Variants in EPHA3 observed in about 807,000 individuals in gnomAD.
The protein encoded by EPHA3 is EPH receptor A3, also known as ephrin type-A receptor 3.
A neutral mutation model predicts 107.1 loss-of-function variants in EPHA3; 42 were observed. That is an observed-to-expected ratio of 0.39 (90% confidence interval 0.31 to 0.51). The LOEUF is 0.51. Among genes scored for constraint, EPHA3 ranks in the 20% least tolerant of loss-of-function variants. The pLI, the probability that EPHA3 is intolerant of heterozygous loss-of-function variation, is 0.78. For synonymous variants in EPHA3, 461 were observed against 424.8 expected (o/e 1.09, Z -1.05); for missense variants, 1,183 against 1,211.2 (o/e 0.98, Z 0.35).
intron 3 of EPHA3, among the ~76,000 whole-genome samples, chr3:89,277,680 T>C (rs1285454118): frequency 2.0e-5 from 3 of 152,184 alleles, no homozygotes; most frequent in Non-Finnish European, 4.4e-5. Flanking sequence ...GATCCCAGTA[T>C]ATTATATTTT....
rs190656233 is a variant in EPHA3 at position 89,471,244 on chromosome 3, C to T, written c.2691-1220C>T. ...TCTTTTGCCTCTTCAGGGAGGCAAA[C>T]ATTGTCTCATTCATTTCCTTTATGC... On this transcript the variant is annotated intron_variant, in intron 15 of 16. Coordinates refer to ENST00000336596, the MANE Select transcript of EPHA3 (RefSeq NM_005233.6). 5.0e-3 allele frequency among the ~76,000 whole-genome samples: 766 copies of T among 151,708 alleles called. 8 individuals carry two copies. Among genetic ancestry groups the T allele is most frequent in the Non-Finnish European group, 4.9e-3 (331 of 67,964 alleles).
intron 2 of EPHA3, among the ~76,000 whole-genome samples, chr3:89,208,454 G>T (rs1357335088): frequency 8.7e-6 from 1 of 114,612 alleles, no homozygotes; most frequent in Non-Finnish European, 1.7e-5. Flanking sequence ...AAGAAAGAAA[G>T]AAAGAAAGAA....
chr3:89,264,755 A>C (rs1487665263), intron 3 of EPHA3, among the ~76,000 whole-genome samples: 1 of 152,140 alleles, frequency 6.6e-6, no homozygotes, highest in Non-Finnish European at 1.5e-5. Context: ...TTATTGAATC[A>C]ATAAATAAGA....
chr3:89,382,849 T>A (rs1371925554), intron 5 of EPHA3, among the ~76,000 whole-genome samples: 1 of 152,176 alleles, frequency 6.6e-6, no homozygotes, highest in East Asian at 1.9e-4. Context: ...GGCATGTTCC[T>A]GGACTAACAT....
At chr3:89,126,889 G>A (rs1382997592) in intron 1 of EPHA3, among the ~76,000 whole-genome samples, 1 of 151,704 alleles carries the variant, frequency 6.6e-6, no homozygotes, top group Non-Finnish European at 1.5e-5. Flanking sequence ...TAGCATTAAT[G>A]TTGTTTTCTA....
intron 2 of EPHA3, among the ~76,000 whole-genome samples, chr3:89,160,297 G>C (rs1704901825): frequency 1.3e-5 from 2 of 151,936 alleles, no homozygotes; most frequent in African/African-American, 4.8e-5. Flanking sequence ...GTTTGAAAAG[G>C]GATATGAAAA....
intron 3 of EPHA3, among the ~76,000 whole-genome samples, chr3:89,277,660 T>C (rs1705841515): frequency 6.6e-6 from 1 of 152,158 alleles, no homozygotes. Flanking sequence ...CCCAGTTTAA[T>C]CAGAAAAATG....
At chr3:89,439,723 GCACACACA>G (rs59868005) in intron 13 of EPHA3, among the ~76,000 whole-genome samples, 46 of 133,310 alleles carry the variant, frequency 3.5e-4, no homozygotes, top group African/African-American at 1.1e-3. Flanking sequence ...TCATATTAAG[GCACACACA>G]CACACACACA....
At chr3:89,324,643 C>A (rs1302973588) in intron 3 of EPHA3, among the ~76,000 whole-genome samples, 1 of 151,960 alleles carries the variant, frequency 6.6e-6, no homozygotes, top group East Asian at 1.9e-4. Context: ...GAAATGATTA[C>A]AAAAACATAT....
intron 3 of EPHA3, among the ~76,000 whole-genome samples, chr3:89,336,169 A>G: frequency 6.6e-6 from 1 of 152,186 alleles, no homozygotes; most frequent in East Asian, 1.9e-4. Context: ...TTTATTTCCT[A>G]CTTTTATTCT....
rs879486714 is a variant in EPHA3 at position 89,482,032 on chromosome 3, G to A, written c.*2530G>A. On this transcript the variant is annotated 3_prime_UTR_variant, in exon 17 of 17. Coordinates refer to ENST00000336596, the MANE Select transcript of EPHA3 (RefSeq NM_005233.6). ...CTTTTCAAAATATTACTCAGTTTAT[G>A]TTGTACAATGTAGATGGCCTCTTAC... is the stretch of plus-strand genomic sequence containing the variant. 2.3e-5 allele frequency: 5 copies of A among 221,402 alleles called. No homozygotes were observed. Among genetic ancestry groups the A allele is most frequent in the Admixed American group, 1.2e-4 (2 of 17,354 alleles). The allele number at this position is 221,402 out of a possible 1,614,324, so 13.7% of individuals were successfully genotyped here.
In EPHA3 at chr3:89,210,027, T is replaced by C. The variant is rs952973795; in HGVS notation, c.321T>C (p.Asn107=). Residue 107 remains asparagine, a synonymous_variant, in exon 3 of 17, where the codon AAT becomes AAC. Transcript: ENST00000336596. ...VELKFTLRDC[N]SIPLVLGTCK... is the part of the protein sequence containing the mutation. ...TCAAGTTCACTCTACGAGACTGCAA[T>C]AGCATTCCATTGGTTTTAGGAACTT... The C allele has an allele frequency of 6.2e-7, 1 of 1,614,002 alleles. No homozygotes were observed.
At chr3:89,473,467 T>G in intron 16 of EPHA3, among the ~76,000 whole-genome samples, 1 of 152,164 alleles carries the variant, frequency 6.6e-6, no homozygotes, top group East Asian at 1.9e-4. Flanking sequence ...AATTGATAAA[T>G]TAAGAGTTGG....
intron 15 of EPHA3, among the ~76,000 whole-genome samples, chr3:89,452,935 G>C (rs1403863456): frequency 6.6e-6 from 1 of 151,880 alleles, no homozygotes; most frequent in East Asian, 1.9e-4. Context: ...CTTAATATCA[G>C]TATATAAGAA....
At chr3:89,322,371 A>G (rs1309982976) in intron 3 of EPHA3, among the ~76,000 whole-genome samples, 1 of 152,122 alleles carries the variant, frequency 6.6e-6, no homozygotes, top group Non-Finnish European at 1.5e-5. Flanking sequence ...TAGAAAAACT[A>G]TGAGACAGAG....
rs771697982 is a variant in EPHA3, at chr3:89,399,428, C to T, written c.1542C>T (p.Ala514=). ...IYVFQIRART[A]AGYGTNSRKF... is the part of the protein sequence containing the mutation. The stretch of plus-strand genomic sequence containing the variant: ...TATTCCAAATCCGAGCCCGAACAGC[C>T]GCTGGATATGGGACGAACAGCCGCA... Residue 514 remains alanine (A), a synonymous_variant, in exon 7 of 17, where the codon GCC becomes GCT. Coordinates refer to ENST00000336596, the MANE Select transcript of EPHA3 (RefSeq NM_005233.6). 5.3e-5 allele frequency: 86 copies of T among 1,613,916 alleles called. No homozygotes were observed. In the South Asian group the frequency reaches 6.3e-4, roughly 12 times the overall value.
chr3:89,276,659 TTGAC>T (rs1705814182), intron 3 of EPHA3, among the ~76,000 whole-genome samples: 1 of 152,146 alleles, frequency 6.6e-6, no homozygotes, highest in Admixed American at 6.6e-5. Context: ...TGAAATATGT[TTGAC>T]TGAGTGAGAA....
chr3:89,150,576 C>T (rs73845988), intron 2 of EPHA3, among the ~76,000 whole-genome samples: 1,773 of 151,996 alleles, frequency 0.012, 39 homozygotes, highest in African/African-American at 0.039. Context: ...CATATAACTT[C>T]CCCAGATGCA....
At chr3:89,356,488 A>C (rs1368641862) in intron 5 of EPHA3, among the ~76,000 whole-genome samples, 2 of 151,206 alleles carry the variant, frequency 1.3e-5, no homozygotes, top group Non-Finnish European at 3.0e-5. Context: ...CATCCTCTCC[A>C]GCACCTGTTG....
Sources: allele counts gnomAD v4.1 joint callset (sites outside exome capture counted in the v4.1 genomes callset), GRCh38; gene constraint gnomAD v4.1.1; transcripts MANE v1.5; gene names NCBI Gene and HGNC (gene_info 2026-07-23, HGNC 2026-07-21).